Variants in NBEA observed in about 807,000 individuals in gnomAD.
NBEA encodes the protein lysosomal-trafficking regulator 2.
NBEA carries 44 observed loss-of-function variants against 343.4 expected under a neutral mutation model. That is an observed-to-expected ratio of 0.13 (90% CI 0.10 to 0.16). NBEA has a LOEUF of 0.16. Ranked by LOEUF, NBEA falls within the 10% of genes least tolerant of loss-of-function variation. The probability of loss-of-function intolerance (pLI) is 1.00; values close to 1 mark genes in which losing one functional copy is unlikely to be tolerated. For missense variants in NBEA, 2,555 were observed against 3,631.3 expected (o/e 0.70, Z 7.62); for synonymous variants, 1,175 against 1,238.7 (o/e 0.95, Z 1.08).
At chr13:35,509,114 C>T (rs545679165) in intron 41 of NBEA, among the ~76,000 whole-genome samples, 1 of 152,318 alleles carries the variant, frequency 6.6e-6, no homozygotes, top group South Asian at 2.1e-4. Context: ...CTTGTCTGAC[C>T]TGTGTCTGGC....
intron 47 of NBEA, among the ~76,000 whole-genome samples, chr13:35,596,366 G>A (rs550937753): frequency 1.7e-4 from 26 of 152,130 alleles, no homozygotes; most frequent in Non-Finnish European, 3.7e-4. Flanking sequence ...AGCTGTTAAA[G>A]CACAGCATGA....
At chr13:35,399,895 G>A (rs928397684) in intron 38 of NBEA, among the ~76,000 whole-genome samples, 3 of 152,032 alleles carry the variant, frequency 2.0e-5, no homozygotes, top group East Asian at 1.9e-4. Context: ...TCAGGGAATA[G>A]GGAAGCCCAA....
intron 1 of NBEA, among the ~76,000 whole-genome samples, chr13:35,005,805 A>G (rs2061298847): frequency 6.6e-6 from 1 of 152,246 alleles, no homozygotes; most frequent in Non-Finnish European, 1.5e-5. Context: ...GGCAAAAGAC[A>G]GAGATTAGAA....
At chr13:35,123,599 A>C in intron 17 of NBEA, 25 bp downstream of exon 17, 1 of 1,338,682 alleles carries the variant, frequency 7.5e-7, no homozygotes, top group Non-Finnish European at 1.0e-6. Context: ...GTCATAATGC[A>C]TTCTAGAAAT....
intron 45 of NBEA, among the ~76,000 whole-genome samples, chr13:35,576,566 A>T (rs944284094): frequency 6.6e-6 from 1 of 152,244 alleles, no homozygotes; most frequent in Non-Finnish European, 1.5e-5. Context: ...GACTAAAATT[A>T]TCTCTATGAG....
At chr13:35,566,528 GAC>G (rs2080146137) in intron 44 of NBEA, among the ~76,000 whole-genome samples, 1 of 152,168 alleles carries the variant, frequency 6.6e-6, no homozygotes, top group Admixed American at 6.5e-5. Context: ...AGAGAGATGA[GAC>G]ACACATGCAG....
intron 40 of NBEA, among the ~76,000 whole-genome samples, chr13:35,469,157 A>C (rs919477290): frequency 1.3e-5 from 2 of 151,122 alleles, no homozygotes; most frequent in African/African-American, 4.9e-5. Flanking sequence ...TCAGCATATT[A>C]TTAAGATTTC....
At chr13:35,574,375 A>G (rs759734020) in intron 45 of NBEA, among the ~76,000 whole-genome samples, 1 of 134,958 alleles carries the variant, frequency 7.4e-6, no homozygotes, top group African/African-American at 3.1e-5. Flanking sequence ...GTTTTTATAC[A>G]CTATCAAAAA....
At chr13:35,646,450 C>T (rs920805912) in intron 51 of NBEA, 102 bp downstream of exon 51, 11 of 828,478 alleles carry the variant, frequency 1.3e-5, no homozygotes, top group African/African-American at 1.7e-5. Flanking sequence ...AAAGGCTTCT[C>T]GATTTATTGG....
intron 1 of NBEA, among the ~76,000 whole-genome samples, chr13:35,020,117 G>C (rs1012532106): frequency 6.6e-6 from 1 of 151,912 alleles, no homozygotes; most frequent in Non-Finnish European, 1.5e-5. Context: ...TGAATTGAAA[G>C]CTTCTATAGT....
chr13:35,161,396 A>T (rs1321290211), intron 22 of NBEA, among the ~76,000 whole-genome samples: 1 of 152,202 alleles, frequency 6.6e-6, no homozygotes, highest in Non-Finnish European at 1.5e-5. Context: ...TATATCCAGT[A>T]TACTTCACTG....
intron 18 of NBEA, among the ~76,000 whole-genome samples, chr13:35,153,288 C>T (rs1297189310): frequency 6.6e-6 from 1 of 152,094 alleles, no homozygotes; most frequent in Non-Finnish European, 1.5e-5. Flanking sequence ...CCACCTCGGC[C>T]TCCCAAAGTG....
At chr13:34,961,488 A>AC (rs2152491561) in intron 1 of NBEA, among the ~76,000 whole-genome samples, 1 of 151,710 alleles carries the variant, frequency 6.6e-6, no homozygotes, top group South Asian at 2.1e-4. Context: ...TCCTGCACGC[A>AC]CCCCCATATA....
chr13:35,157,423 G>T (rs2069245564), intron 21 of NBEA, among the ~76,000 whole-genome samples, 153 bp downstream of exon 21: 1 of 152,052 alleles, frequency 6.6e-6, no homozygotes, highest in East Asian at 1.9e-4. Context: ...TTCATAGACT[G>T]TTAGAACTTG....
intron 1 of NBEA, among the ~76,000 whole-genome samples, chr13:34,989,727 C>T: frequency 6.6e-6 from 1 of 150,700 alleles, no homozygotes; most frequent in South Asian, 2.1e-4. Flanking sequence ...TCCAAACAGA[C>T]CCCCAATGTC....
At chr13:35,193,986 T>C (rs544731068) in intron 30 of NBEA, among the ~76,000 whole-genome samples, 1 of 152,030 alleles carries the variant, frequency 6.6e-6, no homozygotes, top group Admixed American at 6.6e-5. Flanking sequence ...ATTTAATGTA[T>C]AGATTTGATA....
chr13:35,437,085 G>A (rs1372110712), intron 39 of NBEA, among the ~76,000 whole-genome samples: 1 of 152,110 alleles, frequency 6.6e-6, no homozygotes, highest in Non-Finnish European at 1.5e-5. Flanking sequence ...AAGTGAAACT[G>A]ATTTTGCAGA....
rs547593999 is a variant in NBEA, at chr13:35,068,557, CCCT to C, written c.1240-1346_1240-1344del. ...CTTAAGCATTCTAGTGATAACACTA[CCCT>C]CCTCATTCAAAAAAAAGTATTATCA... On this transcript the variant is annotated intron_variant, in intron 8 of 58. Coordinates refer to ENST00000379939, the MANE Select transcript of NBEA (RefSeq NM_001385012.1). 1.9e-3 allele frequency among the ~76,000 whole-genome samples: 283 copies of C among 152,158 alleles called. 1 individual carries two copies. Among genetic ancestry groups the C allele is most frequent in the African/African-American group, 6.5e-3 (271 of 41,540 alleles).
At chr13:35,311,695 A>T (rs2037377553) in intron 36 of NBEA, among the ~76,000 whole-genome samples, 2 of 152,160 alleles carry the variant, frequency 1.3e-5, no homozygotes, top group Non-Finnish European at 2.9e-5. Flanking sequence ...CTCTACTAAA[A>T]ATACAAAAAT....
Sources: gnomAD v4.1 joint callset for allele counts (sites outside exome capture counted in the v4.1 genomes callset) on GRCh38, gnomAD v4.1.1 for gene constraint, MANE v1.5 for transcripts, NCBI Gene and HGNC (gene_info 2026-07-23, HGNC 2026-07-21) for gene names.